UBASH3B: variants seen among roughly 807,000 people sequenced by gnomAD.
The protein encoded by UBASH3B is ubiquitin associated and SH3 domain containing B, also known as ubiquitin-associated and SH3 domain-containing protein B.
In UBASH3B, 37 loss-of-function variants were observed where a neutral mutation model predicts 83.4. That is an observed-to-expected ratio of 0.44 (90% CI 0.34 to 0.58). The LOEUF is 0.58. Among genes scored for constraint, UBASH3B ranks in the 20% least tolerant of loss-of-function variants. The probability of loss-of-function intolerance (pLI) is 0.01; values close to 1 mark genes in which losing one functional copy is unlikely to be tolerated. For missense variants in UBASH3B, 657 were observed against 827.2 expected (o/e 0.79, Z 2.52); for synonymous variants, 304 against 318.3 (o/e 0.96, Z 0.48).
At chr11:122,753,516 G>GTTTTTTTTT (rs1861234102) in intron 1 of UBASH3B, among the ~76,000 whole-genome samples, 2 of 93,412 alleles carry the variant, frequency 2.1e-5, no homozygotes, top group African/African-American at 8.6e-5. Context: ...TTTTTTTTTG[G>GTTTTTTTTT]TGATGGAGTT....
At chr11:122,787,453 C>T (rs779020701) in intron 5 of UBASH3B, among the ~76,000 whole-genome samples, 4 of 152,154 alleles carry the variant, frequency 2.6e-5, no homozygotes, top group South Asian at 2.1e-4. Flanking sequence ...GGAAATGCAG[C>T]GGTGCAAATG....
chr11:122,669,728 A>G (rs992032225), intron 1 of UBASH3B, among the ~76,000 whole-genome samples: 2 of 152,190 alleles, frequency 1.3e-5, no homozygotes, highest in African/African-American at 2.4e-5. Flanking sequence ...TAACATATGT[A>G]TTATTTTGTT....
intron 1 of UBASH3B, among the ~76,000 whole-genome samples, chr11:122,706,750 A>G (rs1591778592): frequency 6.6e-6 from 1 of 152,242 alleles, no homozygotes; most frequent in Non-Finnish European, 1.5e-5. Context: ...ACGCAATCAC[A>G]TACTGAAAAG....
rs972179412 is a variant in UBASH3B at position 122,806,245 on chromosome 11, A to G, written c.1596-165A>G. On this transcript the variant is annotated intron_variant, in intron 11 of 13. Transcript: ENST00000284273. This position sits in a 1 kb window ranked among gnomAD's most constrained non-coding sequence, Gnocchi z 4.0. The stretch of plus-strand genomic sequence containing the variant: ...GTACATTTCCACTCCATGTTCATAT[A>G]GTAGAAATGCTGTTCCCTATACCTT... Among the ~76,000 whole-genome samples, 1 of 152,258 alleles carries G rather than the reference A, an allele frequency of 6.6e-6. No homozygotes were observed. Among genetic ancestry groups the G allele is most frequent in the African/African-American group, 2.4e-5 (1 of 41,470 alleles).
intron 1 of UBASH3B, among the ~76,000 whole-genome samples, chr11:122,731,977 A>G (rs958768171): frequency 4.7e-5 from 7 of 148,186 alleles, no homozygotes; most frequent in Non-Finnish European, 9.1e-5. Flanking sequence ...CCTGGAGCCT[A>G]TGTGTCTCCC....
chr11:122,804,237 G>A (rs887103642), intron 11 of UBASH3B, among the ~76,000 whole-genome samples: 1 of 152,128 alleles, frequency 6.6e-6, no homozygotes, highest in African/African-American at 2.4e-5. Flanking sequence ...GACAGAAAAA[G>A]AGGAGAAAGC....
intron 5 of UBASH3B, 32 bp from the exon 6 acceptor site, chr11:122,789,068 T>C: frequency 6.3e-7 from 1 of 1,580,876 alleles, no homozygotes; most frequent in Non-Finnish European, 8.7e-7. Context: ...TGGTGAGGCA[T>C]GGGGCTCACT....
chr11:122,742,327 C>T (rs112984049), intron 1 of UBASH3B, among the ~76,000 whole-genome samples: 2 of 152,212 alleles, frequency 1.3e-5, no homozygotes, highest in African/African-American at 4.8e-5. Flanking sequence ...AGGAGTCTCT[C>T]GTTTCAGTCT....
At chr11:122,677,808 G>C (rs886611167) in intron 1 of UBASH3B, among the ~76,000 whole-genome samples, 1 of 151,942 alleles carries the variant, frequency 6.6e-6, no homozygotes, top group African/African-American at 2.4e-5. Flanking sequence ...GTCTTACTCT[G>C]TTGCCCAGGC....
chr11:122,714,474 A>G (rs1864241461), intron 1 of UBASH3B, among the ~76,000 whole-genome samples: 1 of 152,224 alleles, frequency 6.6e-6, no homozygotes, highest in Admixed American at 6.5e-5. Context: ...CTTTTACTTT[A>G]AAACCTGAAG....
rs143172572 is a variant in UBASH3B at position 122,658,641 on chromosome 11, A to G, written c.161+2431A>G. On this transcript the variant is annotated intron_variant, in intron 1 of 13. Transcript: ENST00000284273. ...TGCATAACTTGCTCAAGGTCACAAC[A>G]GTAAGCAGTGAAGCTGGGATTCAAA... 4.6e-5 allele frequency among the ~76,000 whole-genome samples: 7 copies of G among 152,380 alleles called. No homozygotes were observed. The East Asian group carries it at 7.7e-4, about 17-fold the overall frequency.
At chr11:122,752,088 T>A (rs1033218499) in intron 1 of UBASH3B, among the ~76,000 whole-genome samples, 14 of 152,216 alleles carry the variant, frequency 9.2e-5, no homozygotes, top group Non-Finnish European at 2.1e-4. Flanking sequence ...GAAGGAATAG[T>A]ATAGTCTACC....
chr11:122,715,035 T>C (rs1432930360), intron 1 of UBASH3B, among the ~76,000 whole-genome samples: 1 of 152,158 alleles, frequency 6.6e-6, no homozygotes, highest in Non-Finnish European at 1.5e-5. Flanking sequence ...AAGCTCCGCC[T>C]CCCGGGTTCA....
At position 122,800,503 on chromosome 11, in the gene UBASH3B, G is replaced by A. The variant is rs189218013; in HGVS notation, c.1451-685G>A. ...CAGGAGGCGGAGGTTGCAGTGAGCC[G>A]AGACTGTACCACTGCACTTCAGCCT... is the stretch of plus-strand genomic sequence containing the variant. On this transcript the variant is annotated intron_variant, in intron 10 of 13. Transcript: ENST00000284273. Among the ~76,000 whole-genome samples, 266 of 151,656 alleles carry A rather than the reference G, an allele frequency of 1.8e-3. 1 individual carries two copies. Among genetic ancestry groups the A allele is most frequent in the African/African-American group, 6.1e-3 (251 of 41,384 alleles).
intron 1 of UBASH3B, among the ~76,000 whole-genome samples, chr11:122,767,448 C>CT (rs900579822): frequency 6.6e-6 from 1 of 151,988 alleles, no homozygotes; most frequent in African/African-American, 2.4e-5. Context: ...GTAGCTGGGA[C>CT]TACAGGCATG....
At chr11:122,704,549 A>T (rs1864090418) in intron 1 of UBASH3B, among the ~76,000 whole-genome samples, 1 of 151,816 alleles carries the variant, frequency 6.6e-6, no homozygotes, top group Admixed American at 6.6e-5. Flanking sequence ...TCACTCTGTC[A>T]TCTAGGCTGG....
At position 122,786,997 on chromosome 11, in the gene UBASH3B, C is replaced by T. The variant is rs7932342; in HGVS notation, c.772-2103C>T. Among the ~76,000 whole-genome samples the T allele has an allele frequency of 1.9e-3, 294 of 151,968 alleles. 1 individual carries two copies. Among genetic ancestry groups the T allele is most frequent in the Non-Finnish European group, 3.7e-4 (25 of 67,980 alleles). On this transcript the variant is annotated intron_variant, in intron 5 of 13. Coordinates refer to ENST00000284273, the MANE Select transcript of UBASH3B (RefSeq NM_032873.5). ...AATGAATACCCACCCCCGCTCCCCC[C>T]CCACCGCCCCACATGATAGAACAAA...
At chr11:122,681,131 C>G (rs914976004) in intron 1 of UBASH3B, among the ~76,000 whole-genome samples, 8 of 152,134 alleles carry the variant, frequency 5.3e-5, no homozygotes, top group African/African-American at 1.9e-4. Flanking sequence ...TTTGTTGAAA[C>G]CTTGCTCTTT....
At position 122,794,709 on chromosome 11, in the gene UBASH3B, T is replaced by C. The variant is rs1861122884; in HGVS notation, c.988T>C (p.Ser330Pro). The change falls in exon 7 of 14, where the codon TCA becomes CCA. Residue 330 changes from serine (S) to proline (P), a missense_variant. Physicochemically the swap from Ser to Pro is moderately conservative, Grantham distance 74. Coordinates refer to ENST00000284273, the MANE Select transcript of UBASH3B (RefSeq NM_032873.5). Reference protein sequence around the residue: ...CSTWIFHGSYSILNTSSSNSL... With the variant: ...CSTWIFHGSYPILNTSSSNSL... ...CCTTATCTTCCTCTGCAGTTCTTAT[T>C]CAATCTTAAATACATCGTCATCCAA... is the stretch of plus-strand genomic sequence containing the variant. 1 of 1,613,980 alleles carries C rather than the reference T, an allele frequency of 6.2e-7. No individual in the cohort carries two copies. The highest frequency in any genetic ancestry group is 1.3e-5 in the African/African-American group (1 of 74,910).
Sources: allele counts gnomAD v4.1 joint callset (sites outside exome capture counted in the v4.1 genomes callset), GRCh38; gene constraint gnomAD v4.1.1; non-coding constraint Gnocchi (gnomAD v3.1); transcripts MANE v1.5; gene names NCBI Gene and HGNC (gene_info 2026-07-23, HGNC 2026-07-21).